TTLL11: variants seen among roughly 807,000 people sequenced by gnomAD.
TTLL11 encodes tubulin tyrosine ligase like 11.
TTLL11 carries 42 observed loss-of-function variants against 51.7 expected under a neutral mutation model. The ratio of observed to expected loss-of-function variants is 0.81; its 90% CI spans 0.64 to 1.05. The LOEUF is 1.05. Ranked by LOEUF, TTLL11 falls within the 50% of genes least tolerant of loss-of-function variation. The probability of loss-of-function intolerance (pLI) is 0.00; values close to 1 mark genes in which losing one functional copy is unlikely to be tolerated. For missense variants in TTLL11, 799 were observed against 940.4 expected, an observed-to-expected ratio of 0.85 and a Z score of 1.97; for synonymous variants, 381 against 383.5, an observed-to-expected ratio of 0.99 and a Z score of 0.08.
rs571091456 is a variant in TTLL11 at position 121,951,017 on chromosome 9, C to T, written c.1481+22992G>A. Among the ~76,000 whole-genome samples, 5 of 152,324 alleles carry T rather than the reference C, an allele frequency of 3.3e-5. No homozygotes were observed. The South Asian group carries it at 8.3e-4, about 25-fold the overall frequency. Reference sequence around the variant, plus strand: ...CACAGCCCCCTGCTCCATCTTCTTTCTGGGCACACTCACTGCCAGGGCTGC... The same window carrying T: ...CACAGCCCCCTGCTCCATCTTCTTTTTGGGCACACTCACTGCCAGGGCTGC... On this transcript the variant is annotated intron_variant, in intron 6 of 8. Transcript: ENST00000321582.
rs1209670118 is a variant in TTLL11 at position 121,822,421 on chromosome 9, C to A, written c.*166G>T. ...GAGGAGGAAGGCAGGTGAGAACCAG[C>A]CAGCCTGGTGAAGCACAGCTCAGCC... On this transcript the variant is annotated 3_prime_UTR_variant, in exon 9 of 9. Transcript: ENST00000321582. This position sits in a 1 kb window ranked among gnomAD's most constrained non-coding sequence, Gnocchi z 5.8. 3.5e-6 allele frequency: 2 copies of A among 577,944 alleles called. No individual in the cohort carries two copies. Among genetic ancestry groups the A allele is most frequent in the South Asian group, 9.5e-5 (2 of 21,012 alleles). 35.8% of individuals were successfully genotyped at this position (577,944 alleles called of 1,614,324 possible).
At chr9:121,910,488 C>G (rs1299368328) in intron 6 of TTLL11, among the ~76,000 whole-genome samples, 1 of 152,208 alleles carries the variant, frequency 6.6e-6, no homozygotes, top group Non-Finnish European at 1.5e-5. Flanking sequence ...TCACAGTTTC[C>G]TCCGTCAGCT....
chr9:121,843,017 A>G (rs2131358417), intron 8 of TTLL11, among the ~76,000 whole-genome samples: 1 of 152,244 alleles, frequency 6.6e-6, no homozygotes, highest in South Asian at 2.1e-4. Context: ...TTTTAGTTTC[A>G]GCTCTGACGC....
At chr9:121,836,206 G>C (rs1311171151) in intron 8 of TTLL11, among the ~76,000 whole-genome samples, 1 of 152,130 alleles carries the variant, frequency 6.6e-6, no homozygotes, top group African/African-American at 2.4e-5. Flanking sequence ...ATTTGTCTTG[G>C]GCTCTGTGTG....
intron 1 of TTLL11, among the ~76,000 whole-genome samples, chr9:122,083,464 T>C (rs556662033): frequency 2.0e-5 from 3 of 152,186 alleles, no homozygotes; most frequent in Non-Finnish European, 4.4e-5. Context: ...GCCACTGCTA[T>C]TTTATGGTTC....
chr9:122,085,789 T>C (rs1199940518), intron 1 of TTLL11, among the ~76,000 whole-genome samples: 1 of 152,216 alleles, frequency 6.6e-6, no homozygotes, highest in African/African-American at 2.4e-5. Flanking sequence ...GTGAGATAGA[T>C]AGCACTAGCC....
At chr9:122,011,112 G>A (rs939441607) in intron 3 of TTLL11, among the ~76,000 whole-genome samples, 16 of 152,184 alleles carry the variant, frequency 1.1e-4, no homozygotes, top group African/African-American at 3.6e-4. Context: ...AGTCTTATCA[G>A]AGCTGATGGT....
At chr9:121,831,151 G>A (rs1463721007) in intron 8 of TTLL11, among the ~76,000 whole-genome samples, 1 of 152,190 alleles carries the variant, frequency 6.6e-6, no homozygotes, top group Non-Finnish European at 1.5e-5. Flanking sequence ...TCAGGCCGAG[G>A]AAACTGGCCT....
chr9:121,962,017 C>A (rs184823273), intron 6 of TTLL11, among the ~76,000 whole-genome samples: 36 of 152,304 alleles, frequency 2.4e-4, no homozygotes, highest in Non-Finnish European at 4.6e-4. Flanking sequence ...GATCGTGCCA[C>A]TGCACTCCAG....
At chr9:122,075,696 G>A (rs535303680) in intron 1 of TTLL11, among the ~76,000 whole-genome samples, 6 of 152,308 alleles carry the variant, frequency 3.9e-5, no homozygotes, top group African/African-American at 1.4e-4. Flanking sequence ...AGATGGTAAG[G>A]TTTTGTGTAA....
intron 4 of TTLL11, among the ~76,000 whole-genome samples, chr9:121,981,582 T>C (rs1373650101): frequency 1.3e-5 from 2 of 152,242 alleles, no homozygotes; most frequent in Non-Finnish European, 2.9e-5. Context: ...TTTTCCTATT[T>C]TGTGGAATGT....
chr9:121,896,686 C>T (rs1418402282), intron 6 of TTLL11, among the ~76,000 whole-genome samples: 1 of 152,146 alleles, frequency 6.6e-6, no homozygotes, highest in Non-Finnish European at 1.5e-5. Context: ...GGCGGCGGGG[C>T]GGCAGGGATG....
At chr9:122,007,284 C>A (rs548543804) in intron 3 of TTLL11, among the ~76,000 whole-genome samples, 1 of 151,638 alleles carries the variant, frequency 6.6e-6, no homozygotes, top group African/African-American at 2.4e-5. Context: ...CTTGTTGTGG[C>A]AGAAGTAAAA....
intron 6 of TTLL11, among the ~76,000 whole-genome samples, chr9:121,927,534 C>A (rs769560717): frequency 1.4e-4 from 21 of 152,146 alleles, no homozygotes; most frequent in Non-Finnish European, 2.9e-5. Context: ...TACATGATAA[C>A]CTATTTTCCT....
At chr9:122,032,661 A>AG (rs1354029560) in intron 2 of TTLL11, among the ~76,000 whole-genome samples, 1 of 149,564 alleles carries the variant, frequency 6.7e-6, no homozygotes, top group African/African-American at 2.5e-5. Flanking sequence ...AAAAAAAAAA[A>AG]GGTTGGTGGA....
chr9:121,860,255 C>T, intron 8 of TTLL11, 82 bp downstream of exon 8: 1 of 1,079,784 alleles, frequency 9.3e-7, no homozygotes, highest in Admixed American at 2.1e-5. Context: ...CCATCTGAAC[C>T]CTTGACAAGA....
chr9:122,064,064 A>G (rs1845507455), intron 1 of TTLL11, among the ~76,000 whole-genome samples: 1 of 152,262 alleles, frequency 6.6e-6, no homozygotes. Context: ...TCTCTTCTAA[A>G]GAATTCCAGG....
intron 6 of TTLL11, among the ~76,000 whole-genome samples, chr9:121,957,154 C>T (rs1011854859): frequency 6.6e-6 from 1 of 152,170 alleles, no homozygotes; most frequent in Non-Finnish European, 1.5e-5. Context: ...CAACCCCTCC[C>T]TCAGGGCAGG....
chr9:121,841,324 G>A (rs1323081125), intron 8 of TTLL11, among the ~76,000 whole-genome samples: 2 of 152,180 alleles, frequency 1.3e-5, no homozygotes, highest in African/African-American at 4.8e-5. Context: ...GTATCCTGCA[G>A]GTAGCAGGCA....
Sources: allele counts gnomAD v4.1 joint callset (sites outside exome capture counted in the v4.1 genomes callset), GRCh38; gene constraint gnomAD v4.1.1; non-coding constraint Gnocchi (gnomAD v3.1); transcripts MANE v1.5; gene names NCBI Gene and HGNC (gene_info 2026-07-23, HGNC 2026-07-21).